The following NAE1 variants were observed in gnomAD, a reference collection of about 807,000 sequenced individuals.
NAE1 encodes the protein NEDD8-activating enzyme E1 regulatory subunit.
Under a neutral mutation model 88.0 loss-of-function variants are expected in NAE1, and 59 were observed. That is an observed-to-expected ratio of 0.67 (90% CI 0.54 to 0.83). The LOEUF (loss-of-function observed/expected upper bound fraction) is 0.83. Ranked by LOEUF, NAE1 falls within the 40% of genes least tolerant of loss-of-function variation. The probability of loss-of-function intolerance (pLI) is 0.00; values close to 1 mark genes in which losing one functional copy is unlikely to be tolerated. For synonymous variants in NAE1, 186 were observed against 208.9 expected, an observed-to-expected ratio of 0.89 and a Z score of 0.95; for missense variants, 554 against 632.8, an observed-to-expected ratio of 0.88 and a Z score of 1.34.
In NAE1 at chr16:66,830,936, G is replaced by A. The variant is rs1393839213; in HGVS notation, c.-37C>T. ...CCGCGCGGAAAACAGCCGAGCCCCT[G>A]CGGAGCGCCGCCACCAGCTCCACAA... On this transcript the variant is annotated 5_prime_UTR_variant, in exon 1 of 20. Transcript: ENST00000290810. The A allele has an allele frequency of 4.0e-6, 6 of 1,496,006 alleles. No individual in the cohort carries two copies. Among genetic ancestry groups the A allele is most frequent in the Non-Finnish European group, 4.4e-6 (5 of 1,130,176 alleles). The allele number at this position is 1,496,006 out of a possible 1,614,324, so 92.7% of individuals were successfully genotyped here.
At chr16:66,806,437 T>G (rs1027631906) in intron 17 of NAE1, among the ~76,000 whole-genome samples, 2 of 152,184 alleles carry the variant, frequency 1.3e-5, no homozygotes, top group African/African-American at 2.4e-5. Flanking sequence ...ACTTTTTTTT[T>G]TTCTTTTGAG....
intron 3 of NAE1, 77 bp downstream of exon 3, chr16:66,826,446 C>T: frequency 7.3e-7 from 1 of 1,374,676 alleles, no homozygotes; most frequent in Non-Finnish European, 1.0e-6. Flanking sequence ...GTCGAGTCAC[C>T]CTGACTGAGG....
intron 17 of NAE1, among the ~76,000 whole-genome samples, chr16:66,806,968 C>T (rs1959589682): frequency 6.6e-6 from 1 of 152,148 alleles, no homozygotes; most frequent in Admixed American, 6.5e-5. Flanking sequence ...ACTGCAGAAG[C>T]CAACTGACAT....
intron 1 of NAE1, chr16:66,828,132 G>C: frequency 7.6e-7 from 1 of 1,308,080 alleles, no homozygotes; most frequent in Non-Finnish European, 1.1e-6. Flanking sequence ...AGTATGGCAC[G>C]TAGAAGACAC....
At chr16:66,810,157 CCA>C (rs1293921385) in intron 15 of NAE1, among the ~76,000 whole-genome samples, 1 of 152,054 alleles carries the variant, frequency 6.6e-6, no homozygotes, top group Admixed American at 6.6e-5. Context: ...TTTAGCATTG[CCA>C]CAGATAAACA....
intron 15 of NAE1, among the ~76,000 whole-genome samples, chr16:66,809,800 T>C (rs1425803567): frequency 6.6e-6 from 1 of 152,126 alleles, no homozygotes; most frequent in African/African-American, 2.4e-5. Context: ...CCACAGGACG[T>C]AGGAGCAGTA....
chr16:66,812,744 C>A (rs1215271071), intron 13 of NAE1, among the ~76,000 whole-genome samples: 2 of 151,382 alleles, frequency 1.3e-5, no homozygotes, highest in Admixed American at 1.3e-4. Flanking sequence ...TGGTCTTGAT[C>A]TTCTGACCTT....
rs374572433 is a variant in NAE1 at position 66,803,184 on chromosome 16, C to A, written c.1496-66G>T. On this transcript the variant is annotated intron_variant, in intron 19 of 19. Coordinates refer to ENST00000290810, the MANE Select transcript of NAE1 (RefSeq NM_003905.4). ...AACTTCAAGAGTTACATACTCAATTCTGTAAAGAAACTTTTCCTTTTCAAA... is the reference window on the plus strand; with the variant it reads ...AACTTCAAGAGTTACATACTCAATTATGTAAAGAAACTTTTCCTTTTCAAA... 6.3e-6 allele frequency: 7 copies of A among 1,105,702 alleles called. No individual in the cohort carries two copies. In the East Asian group the frequency reaches 9.8e-5, roughly 16 times the overall value. 68.5% of individuals were successfully genotyped at this position (1,105,702 alleles called of 1,614,324 possible). A position where few individuals can be genotyped will look rare whatever the true frequency, so the allele number is the denominator to read the frequency against.
chr16:66,807,853 A>G (rs758394733), intron 17 of NAE1, among the ~76,000 whole-genome samples: 1 of 152,192 alleles, frequency 6.6e-6, no homozygotes, highest in Admixed American at 6.5e-5. Flanking sequence ...GTAGATAACT[A>G]AACAAAGAAA....
At chr16:66,828,022 C>T in intron 1 of NAE1, 1 of 1,614,006 alleles carries the variant, frequency 6.2e-7, no homozygotes, top group Non-Finnish European at 8.5e-7. Flanking sequence ...CATCTTTCCA[C>T]TCCACTGTAT....
chr16:66,826,765 A>G lies in NAE1; in HGVS notation c.69T>C (p.His23=), dbSNP rs1960479458. The part of the protein sequence containing the change: ...YDRQLRLWGD[H]GQEALESAHV... Reference sequence around the variant, plus strand: ...GAGCAGATTCTAAAGCCTCTTGCCCATGATCACCCCACAACCTACAAAACA... The same window carrying G: ...GAGCAGATTCTAAAGCCTCTTGCCCGTGATCACCCCACAACCTACAAAACA... Residue 23 remains histidine (H), a synonymous_variant, in exon 2 of 20, where the codon CAT becomes CAC. Coordinates refer to ENST00000290810, the MANE Select transcript of NAE1 (RefSeq NM_003905.4). The G allele has an allele frequency of 6.2e-7, 1 of 1,613,170 alleles. No homozygotes were observed. The highest frequency in any genetic ancestry group is 1.1e-5 in the South Asian group (1 of 90,890).
At chr16:66,810,473 C>T (rs943721421) in intron 14 of NAE1, 60 bp from the exon 15 acceptor site, 12 of 1,437,846 alleles carry the variant, frequency 8.3e-6, no homozygotes, top group African/African-American at 7.1e-5. Context: ...ACAAAGGGTG[C>T]GGCACAAAGC....
chr16:66,818,539 T>C lies in NAE1; in HGVS notation c.610A>G (p.Met204Val), dbSNP rs1960139483. 1 of 1,610,528 alleles carries C rather than the reference T, an allele frequency of 6.2e-7. No homozygotes were observed. Among genetic ancestry groups the C allele is most frequent in the Non-Finnish European group, 8.5e-7 (1 of 1,178,850 alleles). The change falls in exon 8 of 20, where the codon ATG becomes GTG. Residue 204 changes from methionine to valine, a missense_variant. Transcript: ENST00000290810. ...CACACACTACCAACCTTTTTTTCCA[T>C]ATGATCCAAATCATAGGACTGAAAA... is the stretch of plus-strand genomic sequence containing the variant. ...EHFQSYDLDH[M>V]EKKDHSHTPW...
At chr16:66,827,707 T>A (rs1960523122) in intron 1 of NAE1, 1 of 390,836 alleles carries the variant, frequency 2.6e-6, no homozygotes, top group African/African-American at 2.0e-5. Flanking sequence ...TCACATCAAC[T>A]TCTACAGGAG....
rs781287811 is a variant in NAE1 at position 66,826,771 on chromosome 16, A to C, written c.63T>G (p.Gly21=). 1 of 1,599,730 alleles carries C rather than the reference A, an allele frequency of 6.3e-7. No homozygotes were observed. The highest frequency in any genetic ancestry group is 2.2e-5 in the East Asian group (1 of 44,800). Residue 21 remains glycine (G), a synonymous_variant, in exon 2 of 20, where the codon GGT becomes GGG. Coordinates refer to ENST00000290810, the MANE Select transcript of NAE1 (RefSeq NM_003905.4). Reference sequence around the variant, plus strand: ...ATTCTAAAGCCTCTTGCCCATGATCACCCCACAACCTACAAAACAGACACA... The same window carrying C: ...ATTCTAAAGCCTCTTGCCCATGATCCCCCCACAACCTACAAAACAGACACA... ...QKYDRQLRLW[G]DHGQEALESA... is the part of the protein sequence containing the mutation.
At position 66,817,005 on chromosome 16, in the gene NAE1, C is replaced by T. The variant is rs140937229; in HGVS notation, c.708G>A (p.Thr236=). The T allele has an allele frequency of 1.0e-4, 165 of 1,598,066 alleles. 1 individual carries two copies. Among genetic ancestry groups the T allele is most frequent in the African/African-American group, 8.4e-4 (62 of 74,010 alleles). Residue 236 remains threonine, a synonymous_variant, in exon 10 of 20, where the codon ACG becomes ACA. Transcript: ENST00000290810. ...YSETNGRIPK[T]YKEKEDFRDL... ...CTCTGAAGTCCTCTTTTTCTTTATA[C>T]GTTTTAGGTATTCGTCCATTTGTCT...
At chr16:66,810,868 A>C in intron 13 of NAE1, 96 bp from the exon 14 acceptor site, 1 of 1,038,392 alleles carries the variant, frequency 9.6e-7, no homozygotes. Context: ...TTTCATGAAA[A>C]AACACAGGTC....
At chr16:66,825,392 A>C (rs1439547008) in intron 3 of NAE1, among the ~76,000 whole-genome samples, 1 of 151,100 alleles carries the variant, frequency 6.6e-6, no homozygotes, top group East Asian at 1.9e-4. Context: ...GCTTGCAGTG[A>C]GCCGAGATTG....
Position 66,817,102 on chromosome 16 carries a change from C to T in NAE1, c.685-74G>A. The T allele has an allele frequency of 2.0e-6, 3 of 1,495,554 alleles. No homozygotes were observed. The South Asian group carries it at 4.0e-5, about 20-fold the overall frequency. The allele number at this position is 1,495,554 out of a possible 1,614,324, so 92.6% of individuals were successfully genotyped here. The stretch of plus-strand genomic sequence containing the variant: ...CAGAAATTGAAAGTCTAAAGTGTCC[C>T]CCATTCTCTACATAAGATTTCATCA... On this transcript the variant is annotated intron_variant, in intron 9 of 19. Coordinates refer to ENST00000290810, the MANE Select transcript of NAE1 (RefSeq NM_003905.4).
Sources: allele counts gnomAD v4.1 joint callset (sites outside exome capture counted in the v4.1 genomes callset), GRCh38; gene constraint gnomAD v4.1.1; transcripts MANE v1.5; gene names NCBI Gene and HGNC (gene_info 2026-07-23, HGNC 2026-07-21).